The following ZNF526 variants were observed in gnomAD, a reference collection of about 807,000 sequenced individuals.
ZNF526 encodes the protein zinc finger protein 526.
Under a neutral mutation model 32.4 loss-of-function variants are expected in ZNF526, and 16 were observed. The ratio of observed to expected loss-of-function variants is 0.49; its 90% CI spans 0.33 to 0.75. ZNF526 has a LOEUF of 0.75. ZNF526 is among the 30% of genes least tolerant of loss of function. ZNF526 has a pLI of 0.02. For synonymous variants in ZNF526, 355 were observed against 363.4 expected (o/e 0.98, Z 0.26); for missense variants, 838 against 920.7 (o/e 0.91, Z 1.16).
At position 42,225,136 on chromosome 19, in the gene ZNF526, G is replaced by A. The variant is rs2036161892; in HGVS notation, c.733G>A (p.Asp245Asn). 4.3e-6 allele frequency: 7 copies of A among 1,613,682 alleles called. No homozygotes were observed. The highest frequency in any genetic ancestry group is 5.9e-6 in the Non-Finnish European group (7 of 1,180,032). Residue 245 changes from aspartate to asparagine, a missense_variant, in exon 3 of 3, where the codon GAT (aspartate) becomes AAT (asparagine). By Grantham distance (23) the Asp-to-Asn change is conservative. Coordinates refer to ENST00000301215, the MANE Select transcript of ZNF526 (RefSeq NM_133444.3). ...EEDDEEDEED[D>N]EEMEDEEAMA... is the part of the protein sequence containing the mutation. ...GGACGATGAGGAGGATGAAGAAGAT[G>A]ATGAAGAGATGGAGGATGAGGAGGC...
Position 42,224,936 on chromosome 19 carries a change from C to G in ZNF526, c.533C>G (p.Pro178Arg). 1 of 1,614,168 alleles carries G rather than the reference C, an allele frequency of 6.2e-7. No homozygotes were observed. Residue 178 changes from proline to arginine, a missense_variant, in exon 3 of 3, where the codon CCT becomes CGT. Physicochemically the swap from Pro to Arg is moderately radical, Grantham distance 103. Coordinates refer to ENST00000301215, the MANE Select transcript of ZNF526 (RefSeq NM_133444.3). The part of the protein sequence containing the change: ...VAEPPVPPPL[P>R]PPTPLPPPSP... The stretch of plus-strand genomic sequence containing the variant: ...GAGCCACCAGTGCCACCTCCTTTGC[C>G]TCCCCCAACACCACTGCCTCCACCT...
Position 42,226,009 on chromosome 19 carries a change from C to T in ZNF526, c.1606C>T (p.Arg536Cys), listed in dbSNP as rs147052277. Reference protein sequence around the residue: ...RPYQCLDCGKRFTQSSNLQQH... With the variant: ...RPYQCLDCGKCFTQSSNLQQH... ...CTACCAATGCCTGGACTGTGGCAAG[C>T]GCTTCACACAGAGCTCCAACCTGCA... Residue 536 changes from arginine to cysteine, a missense_variant, in exon 3 of 3, where the codon CGC becomes TGC. By Grantham distance (180) the Arg-to-Cys change is radical. Transcript: ENST00000301215. 9.5e-5 allele frequency: 154 copies of T among 1,613,476 alleles called. No homozygotes were observed. Among genetic ancestry groups the T allele is most frequent in the Middle Eastern group, 1.6e-4 (1 of 6,084 alleles).
In ZNF526 at chr19:42,226,370, C is replaced by T. The variant is rs771735265; in HGVS notation, c.1967C>T (p.Ala656Val). ...TLQLCQAALG[A>V]SEAGGLLQLD... ...CAGCTGTGCCAGGCTGCACTGGGGG[C>T]CAGTGAAGCAGGCGGGCTCTTGCAG... Residue 656 changes from alanine (A) to valine (V), a missense_variant, in exon 3 of 3, where the codon GCC (alanine) becomes GTC (valine). Transcript: ENST00000301215. 6.2e-7 allele frequency: 1 copy of T among 1,614,256 alleles called. No homozygotes were observed. Among genetic ancestry groups the T allele is most frequent in the Admixed American group, 1.7e-5 (1 of 60,030 alleles).
intron 1 of ZNF526, among the ~76,000 whole-genome samples, 174 bp from the exon 2 acceptor site, chr19:42,224,041 C>T (rs1297391429): frequency 6.8e-6 from 1 of 146,494 alleles, no homozygotes; most frequent in Non-Finnish European, 1.5e-5. Context: ...CCCCTGTAGT[C>T]CCGGCCACTC....
intron 1 of ZNF526, chr19:42,220,717 A>G (rs1222198241): frequency 4.6e-5 from 7 of 152,118 alleles, no homozygotes; most frequent in African/African-American, 9.7e-5. Flanking sequence ...TTACTGATAT[A>G]CTGTGTGAAA....
In ZNF526 at chr19:42,225,018, C is replaced by G; in HGVS notation, c.615C>G (p.Leu205=). The part of the protein sequence containing the change: ...EPYECPECST[L]CATPEEFLEH... ...ATGAGTGTCCTGAGTGCTCTACCCT[C>G]TGCGCCACCCCTGAGGAGTTCTTGG... Residue 205 remains leucine (L), a synonymous_variant, in exon 3 of 3, where the codon CTC becomes CTG. Transcript: ENST00000301215. 6.2e-7 allele frequency: 1 copy of G among 1,614,234 alleles called. No individual in the cohort carries two copies.
At position 42,224,825 on chromosome 19, in the gene ZNF526, A is replaced by G. The variant is rs775294835; in HGVS notation, c.422A>G (p.Gln141Arg). The G allele has an allele frequency of 9.9e-6, 16 of 1,613,446 alleles. No homozygotes were observed. In the East Asian group the frequency reaches 3.3e-4, roughly 34 times the overall value. Residue 141 changes from glutamine to arginine, a missense_variant, in exon 3 of 3, where the codon CAG becomes CGG. Transcript: ENST00000301215. ...GAGTCTGCAAACCAGATCCAATACC[A>G]GTGCTGGGACTGCCAGGAGCTGTTC... ...LRESANQIQYQCWDCQELFPS... is the reference protein window; with the variant it reads ...LRESANQIQYRCWDCQELFPS...
chr19:42,224,313 G>A lies in ZNF526; in HGVS notation c.-18+8G>A, dbSNP rs1393295641. On this transcript the variant is annotated splice_region_variant and intron_variant, in intron 2 of 2. Coordinates refer to ENST00000301215, the MANE Select transcript of ZNF526 (RefSeq NM_133444.3). The stretch of plus-strand genomic sequence containing the variant: ...CTTCCTGAGCGATAGCTGGTGAGTA[G>A]TGGGATGTGCAAGAGAATTCCACCT... The A allele has an allele frequency of 1.9e-6, 2 of 1,061,248 alleles. No individual in the cohort carries two copies. The highest frequency in any genetic ancestry group is 1.6e-5 in the African/African-American group (1 of 64,504). 65.7% of individuals were successfully genotyped at this position (1,061,248 alleles called of 1,614,324 possible).
chr19:42,226,885 C>G lies in ZNF526; in HGVS notation c.*469C>G. 7.8e-6 allele frequency: 2 copies of G among 256,474 alleles called. No homozygotes were observed. The highest frequency in any genetic ancestry group is 1.1e-4 in the South Asian group (2 of 18,922). The allele number at this position is 256,474 out of a possible 1,614,324, so 15.9% of individuals were successfully genotyped here. On this transcript the variant is annotated 3_prime_UTR_variant, in exon 3 of 3. Coordinates refer to ENST00000301215, the MANE Select transcript of ZNF526 (RefSeq NM_133444.3). The stretch of plus-strand genomic sequence containing the variant: ...AGGGTACTTGATTTCTCTGGGCTTC[C>G]TTCATCTCAATTCTGACAGTGTGGA...
chr19:42,226,101 T>A lies in ZNF526; in HGVS notation c.1698T>A (p.Gly566=). The change falls in exon 3 of 3, where the codon GGT becomes GGA. Residue 566 remains glycine (G), a synonymous_variant. Coordinates refer to ENST00000301215, the MANE Select transcript of ZNF526 (RefSeq NM_133444.3). ...FARAPRLPIT[G]LYNKSPYYCG... ...GCGCCCCCCGCCTCCCCATCACTGG[T>A]CTCTACAACAAGAGTCCCTACTACT... 6.2e-7 allele frequency: 1 copy of A among 1,606,070 alleles called. No homozygotes were observed. Among genetic ancestry groups the A allele is most frequent in the South Asian group, 1.1e-5 (1 of 91,086 alleles).
chr19:42,223,015 C>T (rs1314274806), intron 1 of ZNF526, among the ~76,000 whole-genome samples: 1 of 152,154 alleles, frequency 6.6e-6, no homozygotes, highest in African/African-American at 2.4e-5. Flanking sequence ...AGAAGACAAC[C>T]TCAGAGGAAG....
Position 42,227,050 on chromosome 19 carries a change from C to G in ZNF526, c.*634C>G, listed in dbSNP as rs1040359937. On this transcript the variant is annotated 3_prime_UTR_variant, in exon 3 of 3. Coordinates refer to ENST00000301215, the MANE Select transcript of ZNF526 (RefSeq NM_133444.3). ...CGCACAAGTACAGATAGCTTGCTCT[C>G]TGAGTGTGTCTCATTGATTCATTCA... 1 of 184,780 alleles carries G rather than the reference C, an allele frequency of 5.4e-6. No homozygotes were observed. The highest frequency in any genetic ancestry group is 1.3e-5 in the Non-Finnish European group (1 of 76,874). 11.4% of individuals were successfully genotyped at this position (184,780 alleles called of 1,614,324 possible).
At position 42,227,393 on chromosome 19, in the gene ZNF526, T is replaced by TA. The variant is rs1364620647; in HGVS notation, c.*978dup. 3 of 167,170 alleles carry TA rather than the reference T, an allele frequency of 1.8e-5. No individual in the cohort carries two copies. The highest frequency in any genetic ancestry group is 2.9e-5 in the Non-Finnish European group (2 of 68,160). The allele number at this position is 167,170 out of a possible 1,614,324, so 10.4% of individuals were successfully genotyped here. A position where few individuals can be genotyped will look rare whatever the true frequency, so the allele number is the denominator to read the frequency against. ...GCCTACCTGAGGCAAGCACCACACT[T>TA]ACCACTGTATGTGTACTATGATCCC... On this transcript the variant is annotated 3_prime_UTR_variant, in exon 3 of 3. Transcript: ENST00000301215.
Position 42,225,242 on chromosome 19 carries a change from A to G in ZNF526, c.839A>G (p.Gln280Arg), listed in dbSNP as rs777705281. Residue 280 changes from glutamine (Q) to arginine (R), a missense_variant, in exon 3 of 3, where the codon CAG (glutamine) becomes CGG (arginine). Gln to Arg is a conservative substitution (Grantham distance 43). Coordinates refer to ENST00000301215, the MANE Select transcript of ZNF526 (RefSeq NM_133444.3). ...GWAQGCGDCP[Q>R]HQPSAGARRQ... is the part of the protein sequence containing the mutation. ...GCTCAGGGCTGCGGGGACTGTCCCC[A>G]GCACCAGCCCTCAGCAGGGGCTCGC... 1.9e-6 allele frequency: 3 copies of G among 1,614,112 alleles called. No homozygotes were observed. Among genetic ancestry groups the G allele is most frequent in the Non-Finnish European group, 2.5e-6 (3 of 1,179,978 alleles).
chr19:42,224,713 G>A lies in ZNF526; in HGVS notation c.310G>A (p.Ala104Thr). The change falls in exon 3 of 3, where the codon GCT becomes ACT. Residue 104 changes from alanine to threonine, a missense_variant. Transcript: ENST00000301215. ...CCTGGAGCCGGAGCTGGTGCCGGGT[G>A]CTGAGGGGCCCTTCCAGTGTGGTGA... is the stretch of plus-strand genomic sequence containing the variant. ...VGLEPELVPGAEGPFQCGECS... is the reference protein window; with the variant it reads ...VGLEPELVPGTEGPFQCGECS... 1.2e-6 allele frequency: 2 copies of A among 1,614,154 alleles called. No homozygotes were observed. Among genetic ancestry groups the A allele is most frequent in the Non-Finnish European group, 1.7e-6 (2 of 1,180,048 alleles).
rs116610249 is a variant in ZNF526, at chr19:42,226,939, G to T, written c.*523G>T. Reference sequence around the variant, plus strand: ...AAATCTGTAGGTACCCAGGTCCTCAGCTCCAGACTGGGTGATGCTGGAGAC... The same window carrying T: ...AAATCTGTAGGTACCCAGGTCCTCATCTCCAGACTGGGTGATGCTGGAGAC... On this transcript the variant is annotated 3_prime_UTR_variant, in exon 3 of 3. Coordinates refer to ENST00000301215, the MANE Select transcript of ZNF526 (RefSeq NM_133444.3). 1,103 of 230,766 alleles carry T rather than the reference G, an allele frequency of 4.8e-3. 15 individuals are homozygous for T. Among genetic ancestry groups the T allele is most frequent in the African/African-American group, 0.024 (1,040 of 43,882 alleles). The allele number at this position is 230,766 out of a possible 1,614,324, so 14.3% of individuals were successfully genotyped here. A position where few individuals can be genotyped will look rare whatever the true frequency, so the allele number is the denominator to read the frequency against.
intron 1 of ZNF526, among the ~76,000 whole-genome samples, chr19:42,221,826 A>T: frequency 8.0e-6 from 1 of 125,638 alleles, no homozygotes; most frequent in South Asian, 2.4e-4. Context: ...CAAAAGGAGG[A>T]AAAAAAAAAA....
rs2036167063 is a variant in ZNF526, at chr19:42,225,491, T to C, written c.1088T>C (p.Val363Ala). The change falls in exon 3 of 3, where the codon GTA (valine) becomes GCA (alanine). Residue 363 changes from valine (V) to alanine (A), a missense_variant. Transcript: ENST00000301215. Reference sequence around the variant, plus strand: ...CGCGGGGAAGCCCGCTACCTCTGTGTAGACTGTGGCCGCGGCTTTGGCACA... The same window carrying C: ...CGCGGGGAAGCCCGCTACCTCTGTGCAGACTGTGGCCGCGGCTTTGGCACA... ...LHRGEARYLC[V>A]DCGRGFGTEL... The C allele has an allele frequency of 6.2e-7, 1 of 1,613,998 alleles. No individual in the cohort carries two copies. Among genetic ancestry groups the C allele is most frequent in the South Asian group, 1.1e-5 (1 of 91,092 alleles).
Position 42,226,041 on chromosome 19 carries a change from C to T in ZNF526, c.1638C>T (p.His546=), listed in dbSNP as rs1423935755. The T allele has an allele frequency of 1.2e-6, 2 of 1,612,002 alleles. No homozygotes were observed. The highest frequency in any genetic ancestry group is 2.2e-5 in the South Asian group (2 of 91,086). The change falls in exon 3 of 3, where the codon CAC becomes CAT. Residue 546 remains histidine, a synonymous_variant. Transcript: ENST00000301215. ...CACAGAGCTCCAACCTGCAGCAGCA[C>T]CGGCGGTTGCACTTGCGGCCAGTCG... The part of the protein sequence containing the change: ...RFTQSSNLQQ[H]RRLHLRPVAF...
Sources: allele counts gnomAD v4.1 joint callset (sites outside exome capture counted in the v4.1 genomes callset), GRCh38; gene constraint gnomAD v4.1.1; transcripts MANE v1.5; gene names NCBI Gene and HGNC (gene_info 2026-07-23, HGNC 2026-07-21).